Variants in FOXN3 observed in about 807,000 individuals in gnomAD.
FOXN3 encodes forkhead box N3.
A neutral mutation model predicts 38.4 loss-of-function variants in FOXN3; 7 were observed. That is an observed-to-expected ratio of 0.18 (90% CI 0.10 to 0.34). FOXN3 has a LOEUF of 0.34. Among genes scored for constraint, FOXN3 ranks in the 10% least tolerant of loss-of-function variants. The pLI, the probability that FOXN3 is intolerant of heterozygous loss-of-function variation, is 1.00. For synonymous variants in FOXN3, 230 were observed against 242.2 expected, an observed-to-expected ratio of 0.95 and a Z score of 0.47; for missense variants, 456 against 613.4, an observed-to-expected ratio of 0.74 and a Z score of 2.71.
intron 3 of FOXN3, among the ~76,000 whole-genome samples, chr14:89,338,340 A>C (rs895380617): frequency 1.3e-5 from 2 of 152,236 alleles, no homozygotes; most frequent in African/African-American, 4.8e-5. Context: ...ATCATTGATA[A>C]ATAATATATT....
chr14:89,410,845 C>G (rs1402107693), intron 2 of FOXN3, among the ~76,000 whole-genome samples: 1 of 151,132 alleles, frequency 6.6e-6, no homozygotes, highest in Non-Finnish European at 1.5e-5. Flanking sequence ...TGCACTCCAG[C>G]CTGGGTGACA....
At position 89,157,693 on chromosome 14, in the gene FOXN3, G is replaced by C. The variant is rs1353271329; in HGVS notation, c.*4721C>G. 1 of 152,406 alleles carries C rather than the reference G, an allele frequency of 6.6e-6. No individual in the cohort carries two copies. The highest frequency in any genetic ancestry group is 1.5e-5 in the Non-Finnish European group (1 of 68,022). The allele number at this position is 152,406 out of a possible 1,614,324, so 9.4% of individuals were successfully genotyped here. ...AGAGTTTGGCAGGTAACTAAAAGAGGGTTATCACTTAGGTTATATAGCAAA... is the reference window on the plus strand; with the variant it reads ...AGAGTTTGGCAGGTAACTAAAAGAGCGTTATCACTTAGGTTATATAGCAAA... On this transcript the variant is annotated 3_prime_UTR_variant, in exon 6 of 6. Coordinates refer to ENST00000557258, the MANE Select transcript of FOXN3 (RefSeq NM_005197.4).
At chr14:89,255,012 C>T (rs1330159461) in intron 4 of FOXN3, among the ~76,000 whole-genome samples, 1 of 151,530 alleles carries the variant, frequency 6.6e-6, no homozygotes, top group Non-Finnish European at 1.5e-5. Flanking sequence ...GAGGATTTCC[C>T]ATGTGCGGCG....
At chr14:89,614,441 T>C (rs1896452685) in intron 1 of FOXN3, among the ~76,000 whole-genome samples, 1 of 152,342 alleles carries the variant, frequency 6.6e-6, no homozygotes, top group African/African-American at 2.4e-5. Flanking sequence ...TGGTCAGTCA[T>C]CTTTTTCTGT....
intron 1 of FOXN3, among the ~76,000 whole-genome samples, chr14:89,602,180 T>C (rs994998419): frequency 4.0e-5 from 6 of 151,756 alleles, no homozygotes; most frequent in Non-Finnish European, 8.8e-5. Flanking sequence ...TCCCAGCTAT[T>C]TGGGAGGCTG....
At chr14:89,197,855 G>C (rs8006542) in intron 4 of FOXN3, among the ~76,000 whole-genome samples, 6,644 of 152,304 alleles carry the variant, frequency 0.044, 189 homozygotes, top group African/African-American at 0.081. Flanking sequence ...CGCAGTAAAT[G>C]AAGGATGCCA....
chr14:89,474,741 A>T (rs769103992), intron 1 of FOXN3, among the ~76,000 whole-genome samples: 5 of 152,206 alleles, frequency 3.3e-5, no homozygotes, highest in Non-Finnish European at 7.4e-5. Context: ...AAAGAAGTGG[A>T]GACTGAATGA....
chr14:89,247,038 C>G (rs76618682), intron 4 of FOXN3, among the ~76,000 whole-genome samples: 7,057 of 152,118 alleles, frequency 0.046, 499 homozygotes, highest in African/African-American at 0.16. Context: ...AAACATTCAT[C>G]CACCCAATAG....
chr14:89,241,410 C>G (rs1885136393), intron 4 of FOXN3, among the ~76,000 whole-genome samples: 1 of 152,150 alleles, frequency 6.6e-6, no homozygotes, highest in African/African-American at 2.4e-5. Flanking sequence ...TGTGAAAATT[C>G]AACCCAAAGC....
At position 89,158,562 on chromosome 14, in the gene FOXN3, A is replaced by T. The variant is rs1235082286; in HGVS notation, c.*3852T>A. On this transcript the variant is annotated 3_prime_UTR_variant, in exon 6 of 6. Transcript: ENST00000557258. ...TTCAGATAGATGGCTTCACCAAAGA[A>T]CTCTTGAAAGAATACTGATTAGGGA... 1 of 152,528 alleles carries T rather than the reference A, an allele frequency of 6.6e-6. No individual in the cohort carries two copies. The highest frequency in any genetic ancestry group is 1.5e-5 in the Non-Finnish European group (1 of 68,022). The allele number at this position is 152,528 out of a possible 1,614,324, so 9.4% of individuals were successfully genotyped here. A position where few individuals can be genotyped will look rare whatever the true frequency, so the allele number is the denominator to read the frequency against.
chr14:89,188,035 C>T (rs183574459), intron 4 of FOXN3, among the ~76,000 whole-genome samples: 56 of 152,256 alleles, frequency 3.7e-4, no homozygotes, highest in Admixed American at 2.5e-3. Flanking sequence ...GTAGGCACCC[C>T]GGGTTCTTTC....
At chr14:89,544,144 G>A (rs941025855) in intron 1 of FOXN3, among the ~76,000 whole-genome samples, 53 of 151,976 alleles carry the variant, frequency 3.5e-4, no homozygotes, top group African/African-American at 1.2e-3. Context: ...CGCCCAGGCT[G>A]GAGTCTCCTG....
At chr14:89,489,264 T>C (rs1893521940) in intron 1 of FOXN3, among the ~76,000 whole-genome samples, 2 of 152,062 alleles carry the variant, frequency 1.3e-5, no homozygotes, top group South Asian at 4.1e-4. Context: ...AATAAGAAAA[T>C]AGAAATGAAG....
chr14:89,296,209 C>T (rs1887036405), intron 3 of FOXN3, among the ~76,000 whole-genome samples: 1 of 152,188 alleles, frequency 6.6e-6, no homozygotes, highest in Non-Finnish European at 1.5e-5. Context: ...TACGATTTTA[C>T]ATGCATACAG....
intron 1 of FOXN3, among the ~76,000 whole-genome samples, chr14:89,507,951 A>T (rs1893980553): frequency 6.6e-6 from 1 of 152,228 alleles, no homozygotes; most frequent in African/African-American, 2.4e-5. Context: ...CACGCATGGA[A>T]AGTCATTCAC....
chr14:89,500,380 C>G (rs1004578796), intron 1 of FOXN3, among the ~76,000 whole-genome samples: 5 of 152,192 alleles, frequency 3.3e-5, no homozygotes, highest in African/African-American at 9.7e-5. Flanking sequence ...AAACCCAACT[C>G]TTAATGCAAG....
chr14:89,582,281 G>A (rs1458902721), intron 1 of FOXN3, among the ~76,000 whole-genome samples: 2 of 152,082 alleles, frequency 1.3e-5, no homozygotes, highest in Non-Finnish European at 2.9e-5. Flanking sequence ...CCAAACTCAT[G>A]TCCAAAATGA....
intron 5 of FOXN3, among the ~76,000 whole-genome samples, chr14:89,168,014 CCT>C (rs1376212229): frequency 2.0e-5 from 3 of 152,112 alleles, no homozygotes; most frequent in Non-Finnish European, 2.9e-5. Flanking sequence ...AAAAGCAAAT[CCT>C]CTCTGAAAGA....
At chr14:89,470,871 G>A (rs1288917434) in intron 1 of FOXN3, among the ~76,000 whole-genome samples, 1 of 152,144 alleles carries the variant, frequency 6.6e-6, no homozygotes, top group African/African-American at 2.4e-5. Flanking sequence ...CTTCATGAGG[G>A]GGAGGAACCT....
Sources: allele counts gnomAD v4.1 joint callset (sites outside exome capture counted in the v4.1 genomes callset), GRCh38; gene constraint gnomAD v4.1.1; transcripts MANE v1.5; gene names NCBI Gene and HGNC (gene_info 2026-07-23, HGNC 2026-07-21).